Variants in FMN1 observed in about 807,000 individuals in gnomAD.
FMN1 encodes formin 1, also known as formin-1.
In FMN1, 110 loss-of-function variants were observed where a neutral mutation model predicts 132.4. The observed-to-expected ratio is 0.83, with a 90% confidence interval of 0.71 to 0.97. The LOEUF is 0.97. Among genes scored for constraint, FMN1 ranks in the 50% least tolerant of loss-of-function variants. The pLI is 0.00. For missense variants in FMN1, 1,792 were observed against 1,705.3 expected (o/e 1.05, Z -0.90); for synonymous variants, 722 against 651.7 (o/e 1.11, Z -1.64).
chr15:33,182,755 A>G (rs964784404), intron 2 of FMN1, among the ~76,000 whole-genome samples: 2 of 152,136 alleles, frequency 1.3e-5, no homozygotes, highest in African/African-American at 2.4e-5. Flanking sequence ...ACAGAGCCCA[A>G]CCACAAATGT....
intron 11 of FMN1, among the ~76,000 whole-genome samples, chr15:32,909,672 A>G (rs961177468): frequency 6.6e-6 from 1 of 152,182 alleles, no homozygotes; most frequent in South Asian, 2.1e-4. Context: ...ATGTGGTTCA[A>G]TCTATGTTTT....
chr15:33,103,769 T>C (rs2039381215), intron 4 of FMN1, among the ~76,000 whole-genome samples: 1 of 152,152 alleles, frequency 6.6e-6, no homozygotes, highest in African/African-American at 2.4e-5. Context: ...TCATGGTTTC[T>C]ATTCTATTAC....
chr15:32,853,456 G>A (rs552780329), intron 17 of FMN1, among the ~76,000 whole-genome samples: 10 of 152,228 alleles, frequency 6.6e-5, no homozygotes, highest in South Asian at 2.1e-4. Context: ...AATAAATAGC[G>A]TATTAGATGA....
chr15:32,954,767 A>G (rs2061727461), intron 9 of FMN1, among the ~76,000 whole-genome samples: 1 of 150,256 alleles, frequency 6.7e-6, no homozygotes, highest in Non-Finnish European at 1.5e-5. Flanking sequence ...GCACTTTGGG[A>G]GGTCAAGGTG....
chr15:32,890,397 G>T (rs1596193049), intron 15 of FMN1, among the ~76,000 whole-genome samples: 2 of 152,166 alleles, frequency 1.3e-5, no homozygotes, highest in African/African-American at 4.8e-5. Context: ...CTGCAGTGTA[G>T]AACTGTTCCC....
intron 4 of FMN1, chr15:33,150,837 A>T (rs1964410994): frequency 1.0e-6 from 1 of 989,240 alleles, no homozygotes; most frequent in Non-Finnish European, 1.2e-6. Flanking sequence ...TCTGGTTAAT[A>T]GCTAACCTGG....
intron 18 of FMN1, among the ~76,000 whole-genome samples, chr15:32,800,478 T>C (rs776785354): frequency 6.6e-6 from 1 of 152,214 alleles, no homozygotes; most frequent in Non-Finnish European, 1.5e-5. Flanking sequence ...TAAAACCAAA[T>C]GTACACTCTA....
intron 4 of FMN1, among the ~76,000 whole-genome samples, chr15:33,141,093 C>T (rs1272097155): frequency 6.6e-6 from 1 of 152,056 alleles, no homozygotes; most frequent in Non-Finnish European, 1.5e-5. Flanking sequence ...ATATCTCCTC[C>T]CAGCTTTTCT....
At chr15:33,116,217 A>C (rs1032179601) in intron 4 of FMN1, among the ~76,000 whole-genome samples, 11 of 151,868 alleles carry the variant, frequency 7.2e-5, no homozygotes, top group African/African-American at 2.7e-4. Context: ...TTTCACTGGG[A>C]TTGACCTAGT....
intron 4 of FMN1, among the ~76,000 whole-genome samples, chr15:33,101,462 GA>G (rs58693072): frequency 0.11 from 16,456 of 145,336 alleles, 2,103 homozygotes; most frequent in African/African-American, 0.32. Flanking sequence ...ATGAGCTTAA[GA>G]AAAAAAAAAA....
At chr15:33,081,084 C>T (rs752171321) in intron 5 of FMN1, among the ~76,000 whole-genome samples, 5 of 152,116 alleles carry the variant, frequency 3.3e-5, no homozygotes, top group Non-Finnish European at 7.3e-5. Flanking sequence ...ACCCCCTGCA[C>T]GGAGGGTACT....
Position 32,771,287 on chromosome 15 carries a change from C to G in FMN1, c.*3023G>C, listed in dbSNP as rs2140839686. 1 of 151,788 alleles carries G rather than the reference C, an allele frequency of 6.6e-6. No homozygotes were observed. The highest frequency in any genetic ancestry group is 2.0e-4 in the East Asian group (1 of 5,050). The allele number at this position is 151,788 out of a possible 1,614,324, so 9.4% of individuals were successfully genotyped here. ...TAGAGATGGGGTTTCACCGTGTTAG[C>G]CAGGATGGTCTCAATCTCCTGACCT... is the stretch of plus-strand genomic sequence containing the variant. On this transcript the variant is annotated 3_prime_UTR_variant, in exon 21 of 21. Coordinates refer to ENST00000616417, the MANE Select transcript of FMN1 (RefSeq NM_001277313.2).
chr15:33,127,887 CCT>C (rs1195161494), intron 4 of FMN1, among the ~76,000 whole-genome samples: 6 of 152,018 alleles, frequency 3.9e-5, no homozygotes, highest in African/African-American at 7.3e-5. Context: ...GAATCTTATG[CCT>C]CTCTTTATTC....
At chr15:32,923,026 T>C (rs1412802665) in intron 10 of FMN1, among the ~76,000 whole-genome samples, 1 of 152,204 alleles carries the variant, frequency 6.6e-6, no homozygotes, top group African/African-American at 2.4e-5. Context: ...CTCCTCTAAG[T>C]GAATATACTG....
At chr15:32,845,701 C>T (rs1409530849) in intron 17 of FMN1, among the ~76,000 whole-genome samples, 1 of 152,104 alleles carries the variant, frequency 6.6e-6, no homozygotes, top group Non-Finnish European at 1.5e-5. Context: ...GTGCTATGCA[C>T]CTGTTGAAGT....
At chr15:33,009,042 T>C (rs2034566606) in intron 6 of FMN1, among the ~76,000 whole-genome samples, 1 of 152,226 alleles carries the variant, frequency 6.6e-6, no homozygotes, top group Admixed American at 6.5e-5. Flanking sequence ...AGGAAATCAT[T>C]GGCAAAGCCA....
chr15:33,025,400 A>G (rs907534536), intron 6 of FMN1, among the ~76,000 whole-genome samples: 2 of 152,188 alleles, frequency 1.3e-5, no homozygotes, highest in African/African-American at 4.8e-5. Context: ...TTCAAAATAT[A>G]TCACTGACAT....
chr15:32,854,938 A>C (rs1361340289), intron 17 of FMN1, among the ~76,000 whole-genome samples: 1 of 151,368 alleles, frequency 6.6e-6, no homozygotes. Context: ...AAAAACAAAC[A>C]AAAAAAAGAG....
intron 9 of FMN1, among the ~76,000 whole-genome samples, chr15:32,960,405 G>T (rs978825736): frequency 6.6e-6 from 1 of 152,110 alleles, no homozygotes; most frequent in African/African-American, 2.4e-5. Flanking sequence ...TATTTGGGTG[G>T]GGTCACAGAG....
Sources: gnomAD v4.1 joint callset for allele counts (sites outside exome capture counted in the v4.1 genomes callset) on GRCh38, gnomAD v4.1.1 for gene constraint, MANE v1.5 for transcripts, NCBI Gene and HGNC (gene_info 2026-07-23, HGNC 2026-07-21) for gene names.